Variants in CANX observed in about 807,000 individuals in gnomAD.
The protein encoded by CANX is calnexin, also known as epididymis secretory sperm binding protein.
CANX carries 14 observed loss-of-function variants against 75.7 expected under a neutral mutation model. That is an observed-to-expected ratio of 0.19 (90% CI 0.12 to 0.29). CANX has a LOEUF of 0.29. Among genes scored for constraint, CANX ranks in the 10% least tolerant of loss-of-function variants. The pLI is 1.00. For missense variants in CANX, 567 were observed against 713.2 expected, an observed-to-expected ratio of 0.79 and a Z score of 2.34; for synonymous variants, 227 against 236.9, an observed-to-expected ratio of 0.96 and a Z score of 0.38.
intron 7 of CANX, among the ~76,000 whole-genome samples, chr5:179,712,379 T>G (rs928983919): frequency 6.6e-5 from 10 of 152,012 alleles, no homozygotes; most frequent in African/African-American, 2.4e-4. Flanking sequence ...CCTGCTAGTT[T>G]GAGATCATAA....
At chr5:179,725,448 G>A (rs903449982) in intron 13 of CANX, among the ~76,000 whole-genome samples, 1 of 151,892 alleles carries the variant, frequency 6.6e-6, no homozygotes, top group East Asian at 2.0e-4. Context: ...TTGGGGGGCC[G>A]AAGCAGGCAG....
chr5:179,707,997 C>A (rs192825207), intron 4 of CANX, among the ~76,000 whole-genome samples: 1 of 151,962 alleles, frequency 6.6e-6, no homozygotes, highest in Non-Finnish European at 1.5e-5. Flanking sequence ...TCACCACGCC[C>A]GGCTAATTTT....
chr5:179,700,637 C>T (rs1050456898), intron 1 of CANX: 1 of 153,234 alleles, frequency 6.5e-6, no homozygotes, highest in Non-Finnish European at 1.5e-5. Flanking sequence ...CATTCCCCGA[C>T]ACCTTACTAT....
chr5:179,679,164 A>G, intron 1 of CANX: 1 of 1,535,324 alleles, frequency 6.5e-7, no homozygotes, highest in South Asian at 1.2e-5. Flanking sequence ...TAGGGCACGC[A>G]GGTGCTCGAA....
intron 7 of CANX, among the ~76,000 whole-genome samples, chr5:179,714,850 C>T (rs916545993): frequency 6.6e-6 from 1 of 152,026 alleles, no homozygotes; most frequent in African/African-American, 2.4e-5. Flanking sequence ...CTGCAATCTC[C>T]ACCTCCCAGG....
At chr5:179,722,750 A>C (rs1213292344) in intron 10 of CANX, 54 bp from the exon 11 acceptor site, 2 of 1,284,390 alleles carry the variant, frequency 1.6e-6, no homozygotes, top group African/African-American at 3.0e-5. Context: ...GATTCACCAT[A>C]AACTTTTGTT....
chr5:179,680,681 C>T (rs939864614), intron 1 of CANX, among the ~76,000 whole-genome samples: 1 of 152,124 alleles, frequency 6.6e-6, no homozygotes, highest in Admixed American at 6.6e-5. Flanking sequence ...TCTCTGCACC[C>T]CCCACCCCTG....
intron 7 of CANX, among the ~76,000 whole-genome samples, chr5:179,713,176 G>A (rs1361341333): frequency 6.6e-6 from 1 of 151,832 alleles, no homozygotes; most frequent in African/African-American, 2.4e-5. Flanking sequence ...CCGCTTCCCA[G>A]GTTCCAGTGA....
intron 1 of CANX, among the ~76,000 whole-genome samples, chr5:179,689,390 T>TTTTTTTTG (rs1776257866): frequency 7.0e-6 from 1 of 143,558 alleles, no homozygotes; most frequent in Admixed American, 7.2e-5. Context: ...TTTTTTTTTT[T>TTTTTTTTG]TTTTTTTTTT....
intron 1 of CANX, among the ~76,000 whole-genome samples, chr5:179,689,773 G>A (rs1011366074): frequency 6.6e-6 from 1 of 152,114 alleles, no homozygotes; most frequent in African/African-American, 2.4e-5. Flanking sequence ...AATGTTAGGA[G>A]AGATGATGGA....
At chr5:179,698,493 C>T (rs1314683654), upstream of CANX, 2 of 1,289,390 alleles carry the variant, frequency 1.6e-6, no homozygotes, top group East Asian at 5.5e-5. Context: ...CTGCAACGGG[C>T]CCTTCCTGAT....
intron 1 of CANX, among the ~76,000 whole-genome samples, chr5:179,691,428 CG>C (rs939290747): frequency 3.3e-5 from 5 of 152,030 alleles, no homozygotes; most frequent in Non-Finnish European, 5.9e-5. Context: ...GTGAGTGGGC[CG>C]GGCACAGTGC....
chr5:179,719,608 C>A, intron 8 of CANX, 60 bp from the exon 9 acceptor site: 1 of 901,630 alleles, frequency 1.1e-6, no homozygotes, highest in Non-Finnish European at 1.8e-6. Context: ...TTCTGATCCA[C>A]AAAGTGGTAC....
At chr5:179,688,812 C>T (rs1210547952) in intron 1 of CANX, among the ~76,000 whole-genome samples, 1 of 151,636 alleles carries the variant, frequency 6.6e-6, no homozygotes, top group African/African-American at 2.4e-5. Context: ...GAAACCCCTA[C>T]TAAAAATACG....
intron 1 of CANX, among the ~76,000 whole-genome samples, chr5:179,686,523 G>A (rs1247373566): frequency 2.0e-5 from 3 of 152,070 alleles, no homozygotes; most frequent in Admixed American, 2.0e-4. Context: ...CCAGGCTGGA[G>A]TCTATTGGTG....
At position 179,729,006 on chromosome 5, in the gene CANX, ACATAATACCAC is replaced by A. The variant is rs1411905361; in HGVS notation, c.*366_*376del. 1.4e-5 allele frequency: 4 copies of A among 277,572 alleles called. No individual in the cohort carries two copies. The highest frequency in any genetic ancestry group is 1.3e-3 in the Middle Eastern group (1 of 748). The allele number at this position is 277,572 out of a possible 1,614,324, so 17.2% of individuals were successfully genotyped here. ...TTAATGTATTAATCTGTTTGTGCAA[ACATAATACCAC>A]CATTTAAAAATGTTAGGGAGATGAG... On this transcript the variant is annotated 3_prime_UTR_variant, in exon 15 of 15. Coordinates refer to ENST00000247461, the MANE Select transcript of CANX (RefSeq NM_001746.4).
intron 13 of CANX, among the ~76,000 whole-genome samples, chr5:179,725,536 C>T (rs963532428): frequency 7.9e-5 from 12 of 151,292 alleles, no homozygotes; most frequent in Non-Finnish European, 1.5e-4. Flanking sequence ...AAAAATTAGC[C>T]GGGCATGGTG....
intron 1 of CANX, among the ~76,000 whole-genome samples, chr5:179,702,008 T>C (rs941307517): frequency 4.9e-4 from 75 of 152,060 alleles, no homozygotes; most frequent in African/African-American, 1.8e-3. Flanking sequence ...CCCAAAGTGC[T>C]GGGATTACAG....
chr5:179,696,263 ATTTCTTTTT>A (rs1776400924), upstream of CANX, among the ~76,000 whole-genome samples: 2 of 105,494 alleles, frequency 1.9e-5, no homozygotes, highest in Admixed American at 1.1e-4. Flanking sequence ...AGAAAGTGTC[ATTTCTTTTT>A]TTTTTTTTTT....
Sources: allele counts gnomAD v4.1 joint callset (sites outside exome capture counted in the v4.1 genomes callset), GRCh38; gene constraint gnomAD v4.1.1; transcripts MANE v1.5; gene names NCBI Gene and HGNC (gene_info 2026-07-23, HGNC 2026-07-21).